Variants in CACNB2 observed in about 807,000 individuals in gnomAD.
The protein encoded by CACNB2 is voltage-dependent L-type calcium channel subunit beta-2.
CACNB2 carries 42 observed loss-of-function variants against 73.3 expected under a neutral mutation model. That is an observed-to-expected ratio of 0.57 (90% CI 0.45 to 0.74). The LOEUF (loss-of-function observed/expected upper bound fraction) is 0.74, where lower values mean the gene tolerates loss of function less well. Ranked by LOEUF, CACNB2 falls within the 30% of genes least tolerant of loss-of-function variation. The pLI is 0.00. For synonymous variants in CACNB2, 348 were observed against 310.3 expected (o/e 1.12, Z -1.28); for missense variants, 940 against 853.0 (o/e 1.10, Z -1.27).
intron 2 of CACNB2, among the ~76,000 whole-genome samples, chr10:18,387,368 C>T (rs1455519537): frequency 6.6e-6 from 1 of 152,154 alleles, no homozygotes; most frequent in Non-Finnish European, 1.5e-5. Context: ...GTTACAGCCT[C>T]TGTGATGTGT....
chr10:18,304,549 T>A (rs1469530765), intron 2 of CACNB2, among the ~76,000 whole-genome samples: 1 of 152,162 alleles, frequency 6.6e-6, no homozygotes, highest in African/African-American at 2.4e-5. Context: ...CTAAACCTGT[T>A]AATATCTATA....
rs145532913 is a variant in CACNB2, at chr10:18,473,721, A to G, written c.334-24634A>G. On this transcript the variant is annotated intron_variant, in intron 3 of 13. Transcript: ENST00000324631. ...AACTTGCTTTAAATAGCCGAAGTGAAGAAGGAGATTGACTTTACAGTTGTG... is the reference window on the plus strand; with the variant it reads ...AACTTGCTTTAAATAGCCGAAGTGAGGAAGGAGATTGACTTTACAGTTGTG... 2.0e-5 allele frequency among the ~76,000 whole-genome samples: 3 copies of G among 152,360 alleles called. No homozygotes were observed. The East Asian group carries it at 5.8e-4, about 29-fold the overall frequency.
chr10:18,154,301 A>G (rs2031853785), intron 2 of CACNB2, among the ~76,000 whole-genome samples: 1 of 151,984 alleles, frequency 6.6e-6, no homozygotes, highest in Non-Finnish European at 1.5e-5. Flanking sequence ...TTAAAAAAAA[A>G]AAAAACAACT....
At chr10:18,461,335 G>C (rs1016062504) in intron 3 of CACNB2, among the ~76,000 whole-genome samples, 24 of 152,156 alleles carry the variant, frequency 1.6e-4, no homozygotes, top group African/African-American at 5.8e-4. Context: ...CAGAGTGACT[G>C]TCTTGCTGTA....
intron 2 of CACNB2, among the ~76,000 whole-genome samples, chr10:18,214,991 G>A (rs996740938): frequency 1.3e-5 from 2 of 152,128 alleles, no homozygotes; most frequent in Admixed American, 6.5e-5. Flanking sequence ...TTATTTACAT[G>A]GATTTAGTTT....
chr10:18,188,224 T>TTGCCTGCCTGCC (rs145488243), intron 2 of CACNB2, among the ~76,000 whole-genome samples: 3 of 151,616 alleles, frequency 2.0e-5, no homozygotes, highest in Non-Finnish European at 4.4e-5. Flanking sequence ...TCCTTCCGTC[T>TTGCCTGCCTGCC]TGCCTGCCTG....
intron 2 of CACNB2, among the ~76,000 whole-genome samples, chr10:18,288,984 A>C (rs577922561): frequency 6.6e-6 from 1 of 152,246 alleles, no homozygotes; most frequent in African/African-American, 2.4e-5. Context: ...GGCAGAGATT[A>C]CAGTGAGCCA....
At chr10:18,317,743 T>A (rs1348879718) in intron 2 of CACNB2, among the ~76,000 whole-genome samples, 1 of 152,148 alleles carries the variant, frequency 6.6e-6, no homozygotes, top group African/African-American at 2.4e-5. Flanking sequence ...CTAAGGAACA[T>A]CCATTCTTTC....
intron 2 of CACNB2, among the ~76,000 whole-genome samples, chr10:18,169,013 C>T (rs1413062819): frequency 6.6e-6 from 1 of 152,062 alleles, no homozygotes; most frequent in African/African-American, 2.4e-5. Flanking sequence ...TTATAATCCT[C>T]ATCTTATTAA....
chr10:18,449,146 G>A (rs1358288403), intron 3 of CACNB2, among the ~76,000 whole-genome samples: 3 of 152,120 alleles, frequency 2.0e-5, no homozygotes, highest in Non-Finnish European at 2.9e-5. Context: ...GCACTTTGGG[G>A]GGCTGAGGCG....
At chr10:18,438,338 A>G (rs1197328489) in intron 3 of CACNB2, among the ~76,000 whole-genome samples, 1 of 151,696 alleles carries the variant, frequency 6.6e-6, no homozygotes, top group Non-Finnish European at 1.5e-5. Flanking sequence ...CCCCAGTTGG[A>G]TTTTTATTTC....
At position 18,194,070 on chromosome 10, in the gene CACNB2, G is replaced by A. The variant is rs1041729275; in HGVS notation, c.213+43095G>A. On this transcript the variant is annotated intron_variant, in intron 2 of 13. Coordinates refer to ENST00000324631, the MANE Select transcript of CACNB2 (RefSeq NM_201596.3). ...GCTGTGGTGTGAGCACAGTCTGGAA[G>A]GAGTTGAGTATGAAGGATTCTCTCA... is the stretch of plus-strand genomic sequence containing the variant. Among the ~76,000 whole-genome samples the A allele has an allele frequency of 3.5e-4, 54 of 152,248 alleles. 1 individual carries two copies. Among genetic ancestry groups the A allele is most frequent in the Middle Eastern group, 3.4e-3 (1 of 294 alleles).
At chr10:18,442,958 GTATATATATA>G (rs375916403) in intron 3 of CACNB2, among the ~76,000 whole-genome samples, 4 of 22,090 alleles carry the variant, frequency 1.8e-4, no homozygotes, top group South Asian at 2.1e-3. Flanking sequence ...ATATATATAT[GTATATATATA>G]TGTGTATATA....
chr10:18,504,293 G>A (rs188972294), intron 5 of CACNB2, among the ~76,000 whole-genome samples: 3 of 152,288 alleles, frequency 2.0e-5, no homozygotes, highest in African/African-American at 7.2e-5. Context: ...AACCAAGATG[G>A]TAGCCTGACC....
At chr10:18,223,617 T>C (rs1315556161) in intron 2 of CACNB2, among the ~76,000 whole-genome samples, 3 of 152,166 alleles carry the variant, frequency 2.0e-5, no homozygotes, top group Non-Finnish European at 4.4e-5. Flanking sequence ...TTTTTTTCTT[T>C]ATTTAAAAAT....
At chr10:18,469,973 CA>C (rs1430110518) in intron 3 of CACNB2, among the ~76,000 whole-genome samples, 2 of 152,048 alleles carry the variant, frequency 1.3e-5, no homozygotes, top group African/African-American at 4.8e-5. Context: ...AACCCAACAA[CA>C]AAAACAGAGA....
rs189446767 is a variant in CACNB2 at position 18,282,053 on chromosome 10, C to G, written c.214-119871C>G. Among the ~76,000 whole-genome samples, 1,396 of 149,666 alleles carry G rather than the reference C, an allele frequency of 9.3e-3. 31 individuals are homozygous for G. Among genetic ancestry groups the G allele is most frequent in the African/African-American group, 0.033 (1,317 of 39,890 alleles). On this transcript the variant is annotated intron_variant, in intron 2 of 13. Transcript: ENST00000324631. Reference sequence around the variant, plus strand: ...TGGACATAAGGGGTCTGGATTCCATCAGGGCCCCCTGGAAGATGTACCAAA... The same window carrying G: ...TGGACATAAGGGGTCTGGATTCCATGAGGGCCCCCTGGAAGATGTACCAAA...
In CACNB2 at chr10:18,175,193, C is replaced by G. The variant is rs138818844; in HGVS notation, c.213+24218C>G. Among the ~76,000 whole-genome samples the G allele has an allele frequency of 1.2e-3, 180 of 152,254 alleles. 1 individual carries two copies. In the Middle Eastern group the frequency reaches 0.02, roughly 17 times the overall value. ...ATAATTATGTTGGTTACTGTCAAAA[C>G]TTGCAGTGTTGTTTGAAATATGTAT... On this transcript the variant is annotated intron_variant, in intron 2 of 13. Coordinates refer to ENST00000324631, the MANE Select transcript of CACNB2 (RefSeq NM_201596.3).
intron 3 of CACNB2, among the ~76,000 whole-genome samples, chr10:18,441,691 A>G (rs1475156407): frequency 1.3e-5 from 2 of 152,114 alleles, no homozygotes; most frequent in East Asian, 1.9e-4. Context: ...CTGGAATGCA[A>G]TGGCACAGTC....
Sources: gnomAD v4.1 joint callset for allele counts (sites outside exome capture counted in the v4.1 genomes callset) on GRCh38, gnomAD v4.1.1 for gene constraint, MANE v1.5 for transcripts, NCBI Gene and HGNC (gene_info 2026-07-23, HGNC 2026-07-21) for gene names.